Variants in ANKRD30BL observed in about 807,000 individuals in gnomAD.
ANKRD30BL encodes the protein ankyrin repeat domain 30B like, also known as putative ankyrin repeat domain-containing protein 30B-like.
In ANKRD30BL, 20 loss-of-function variants were observed where a neutral mutation model predicts 18.4. The observed-to-expected ratio is 1.09, with a 90% CI of 0.77 to 1.58. The LOEUF is 1.58. Ranked by LOEUF, ANKRD30BL falls within the 40% of genes most tolerant of loss-of-function variation. ANKRD30BL has a pLI of 0.00. For synonymous variants in ANKRD30BL, 72 were observed against 100.9 expected (o/e 0.71, Z 1.72); for missense variants, 224 against 268.6 (o/e 0.83, Z 1.16).
In ANKRD30BL at chr2:132,161,577, G is replaced by A; in HGVS notation, c.129C>T (p.His43=). Residue 43 remains histidine, a synonymous_variant, in exon 1 of 6, where the codon CAC becomes CAT. Coordinates refer to ENST00000409867, the MANE Select transcript of ANKRD30BL (RefSeq NM_001358416.1). ...VIHHGDLRKI[H]KAASRGQAWK... ...AGGCTTGGCCCCGGGAGGCAGCTTT[G>A]TGGATCTTCCTGAGATCCCCATGGT... is the stretch of plus-strand genomic sequence containing the variant. 2 of 1,456,588 alleles carry A rather than the reference G, an allele frequency of 1.4e-6. No homozygotes were observed. The highest frequency in any genetic ancestry group is 4.9e-5 in the East Asian group (2 of 40,434). The allele number at this position is 1,456,588 out of a possible 1,614,324, so 90.2% of individuals were successfully genotyped here. A position where few individuals can be genotyped will look rare whatever the true frequency, so the allele number is the denominator to read the frequency against.
intron 1 of ANKRD30BL, among the ~76,000 whole-genome samples, chr2:132,169,368 G>A (rs905265667): frequency 1.3e-5 from 2 of 152,162 alleles, no homozygotes; most frequent in Non-Finnish European, 2.9e-5. Flanking sequence ...ATGAATGGTG[G>A]CGGGGTGCGG....
At chr2:132,243,889 T>G (rs1680404314) in intron 1 of ANKRD30BL, among the ~76,000 whole-genome samples, 1 of 152,270 alleles carries the variant, frequency 6.6e-6, no homozygotes, top group Non-Finnish European at 1.5e-5. Context: ...AGGCCTATGA[T>G]GAAAAAGGAG....
At chr2:132,166,576 GT>G (rs1222161540), upstream of ANKRD30BL, among the ~76,000 whole-genome samples, 2 of 152,026 alleles carry the variant, frequency 1.3e-5, no homozygotes, top group East Asian at 3.8e-4. Flanking sequence ...TATTGAACTT[GT>G]GAGTATAGAG....
intron 4 of ANKRD30BL, chr2:132,152,232 T>C (rs1687777073): frequency 1.3e-5 from 2 of 152,226 alleles, no homozygotes; most frequent in South Asian, 4.1e-4. Context: ...AATGTCCTTT[T>C]GGGGACTCCA....
chr2:132,239,596 A>G (rs538274250), intron 1 of ANKRD30BL, among the ~76,000 whole-genome samples: 2 of 151,882 alleles, frequency 1.3e-5, no homozygotes, highest in Admixed American at 1.3e-4. Flanking sequence ...CTGCAAGTGG[A>G]TATGTGGATA....
intron 1 of ANKRD30BL, among the ~76,000 whole-genome samples, chr2:132,205,171 C>T (rs1157754367): frequency 2.0e-5 from 3 of 152,132 alleles, no homozygotes; most frequent in African/African-American, 7.2e-5. Context: ...CTAAGCGTAT[C>T]ATAGAATTCC....
upstream of ANKRD30BL, among the ~76,000 whole-genome samples, chr2:132,165,558 C>T (rs866224179): frequency 7.4e-6 from 1 of 135,158 alleles, no homozygotes; most frequent in Non-Finnish European, 1.6e-5. Flanking sequence ...TAGTAAAATA[C>T]AAAAAAAAAA....
chr2:132,238,075 A>G (rs557698572), intron 1 of ANKRD30BL, among the ~76,000 whole-genome samples: 3 of 152,100 alleles, frequency 2.0e-5, no homozygotes, highest in Admixed American at 1.3e-4. Flanking sequence ...TTTTTTGTAG[A>G]ATCTGCAAGT....
intron 1 of ANKRD30BL, among the ~76,000 whole-genome samples, chr2:132,221,298 T>A (rs1171286693): frequency 5.1e-5 from 6 of 118,416 alleles, no homozygotes; most frequent in South Asian, 3.2e-4. Flanking sequence ...GCCCGGCCAG[T>A]CGCCCCGTCC....
intron 1 of ANKRD30BL, among the ~76,000 whole-genome samples, chr2:132,232,989 G>T (rs901525612): frequency 6.6e-6 from 1 of 152,086 alleles, no homozygotes; most frequent in African/African-American, 2.4e-5. Flanking sequence ...CGGATCTCTT[G>T]GCAGAAACCC....
In ANKRD30BL at chr2:132,150,991, GAAAT is replaced by G. The variant is rs1687741009; in HGVS notation, c.615-19_615-16del. 2 of 584,120 alleles carry G rather than the reference GAAAT, an allele frequency of 3.4e-6. No homozygotes were observed. The highest frequency in any genetic ancestry group is 3.0e-6 in the Non-Finnish European group (1 of 331,246). The allele number at this position is 584,120 out of a possible 1,614,324, so 36.2% of individuals were successfully genotyped here. A position where few individuals can be genotyped will look rare whatever the true frequency, so the allele number is the denominator to read the frequency against. ...GTTGATGAACGCTATGTATAAAAATGAAATAAATAAAATCACTATTTTAACATTG... is the reference window on the plus strand; with the variant it reads ...GTTGATGAACGCTATGTATAAAAATGAAATAAAATCACTATTTTAACATTG... On this transcript the variant is annotated splice_polypyrimidine_tract_variant and intron_variant, in intron 4 of 5. Coordinates refer to ENST00000409867, the MANE Select transcript of ANKRD30BL (RefSeq NM_001358416.1).
intron 1 of ANKRD30BL, among the ~76,000 whole-genome samples, chr2:132,244,477 TCA>T (rs1680432350): frequency 1.3e-5 from 2 of 152,420 alleles, no homozygotes; most frequent in South Asian, 2.1e-4. Context: ...TGCATTCAAC[TCA>T]CAGAGTTGAA....
chr2:132,197,906 A>T (rs1678997979), intron 1 of ANKRD30BL, among the ~76,000 whole-genome samples: 1 of 151,978 alleles, frequency 6.6e-6, no homozygotes, highest in South Asian at 2.1e-4. Flanking sequence ...CTTCTGGCCT[A>T]TGTATAAGCT....
intron 1 of ANKRD30BL, among the ~76,000 whole-genome samples, chr2:132,245,429 A>G (rs200361616): frequency 1.6e-4 from 1 of 6,204 alleles, no homozygotes; most frequent in African/African-American, 1.0e-3. Flanking sequence ...CCTATGGAGA[A>G]AAAAGGAAAT....
intron 1 of ANKRD30BL, among the ~76,000 whole-genome samples, chr2:132,213,813 A>T (rs1245458273): frequency 6.6e-6 from 1 of 152,064 alleles, no homozygotes; most frequent in East Asian, 1.9e-4. Flanking sequence ...AAAAGGAAGT[A>T]ACTTCCCATA....
chr2:132,189,860 CACT>C (rs1375195985), intron 1 of ANKRD30BL, among the ~76,000 whole-genome samples: 1 of 151,918 alleles, frequency 6.6e-6, no homozygotes, highest in African/African-American at 2.4e-5. Flanking sequence ...CCATAATCAC[CACT>C]GTTTCTGTTT....
intron 1 of ANKRD30BL, among the ~76,000 whole-genome samples, chr2:132,179,911 G>A (rs771951606): frequency 1.3e-5 from 2 of 152,188 alleles, no homozygotes; most frequent in South Asian, 2.1e-4. Flanking sequence ...ATAAAGAAAT[G>A]ATATTTTTTG....
At chr2:132,231,882 G>A (rs2104783690) in intron 1 of ANKRD30BL, among the ~76,000 whole-genome samples, 1 of 152,348 alleles carries the variant, frequency 6.6e-6, no homozygotes, top group African/African-American at 2.4e-5. Context: ...CACCTCTGGG[G>A]GAAGGGCACA....
intron 1 of ANKRD30BL, among the ~76,000 whole-genome samples, chr2:132,206,015 G>A (rs1170512901): frequency 6.6e-6 from 1 of 151,848 alleles, no homozygotes; most frequent in South Asian, 2.1e-4. Context: ...AAAATTAAAC[G>A]GGCATGGTGT....
Sources: gnomAD v4.1 joint callset for allele counts (sites outside exome capture counted in the v4.1 genomes callset) on GRCh38, gnomAD v4.1.1 for gene constraint, MANE v1.5 for transcripts, NCBI Gene and HGNC (gene_info 2026-07-23, HGNC 2026-07-21) for gene names.